Variants in IMMP2L observed in about 807,000 individuals in gnomAD.
IMMP2L encodes inner mitochondrial membrane peptidase subunit 2.
Under a neutral mutation model 19.3 loss-of-function variants are expected in IMMP2L, and 18 were observed. The ratio of observed to expected loss-of-function variants is 0.93; its 90% CI spans 0.64 to 1.38. The LOEUF is 1.38. Among genes scored for constraint, IMMP2L ranks in the 40% most tolerant of loss-of-function variants. The pLI is 0.00. For missense variants in IMMP2L, 233 were observed against 218.2 expected (o/e 1.07, Z -0.43); for synonymous variants, 76 against 73.0 (o/e 1.04, Z -0.21).
chr7:111,361,860 T>C (rs1228911140), intron 3 of IMMP2L, among the ~76,000 whole-genome samples: 2 of 152,144 alleles, frequency 1.3e-5, no homozygotes, highest in South Asian at 2.1e-4. Flanking sequence ...TTTTACAAAA[T>C]GGTTTGTTGA....
rs1275382607 is a variant in IMMP2L, at chr7:111,099,433, T to A, written c.240-135868A>T. On this transcript the variant is annotated intron_variant, in intron 3 of 5. Coordinates refer to ENST00000405709, the MANE Select transcript of IMMP2L (RefSeq NM_032549.4). Reference sequence around the variant, plus strand: ...CCCTGCAAAGTTAATTGATGAAAGCTGTAATTTGCTTTTCAAACTGAGGAT... The same window carrying A: ...CCCTGCAAAGTTAATTGATGAAAGCAGTAATTTGCTTTTCAAACTGAGGAT... 2.6e-5 allele frequency among the ~76,000 whole-genome samples: 4 copies of A among 151,758 alleles called. No homozygotes were observed. The Admixed American group carries it at 2.6e-4, about 10-fold the overall frequency.
In IMMP2L at chr7:110,763,901, A is replaced by G. The variant is rs1004962566; in HGVS notation, c.409-100180T>C. 2.0e-5 allele frequency among the ~76,000 whole-genome samples: 3 copies of G among 152,122 alleles called. No homozygotes were observed. In the East Asian group the frequency reaches 5.8e-4, roughly 29 times the overall value. Reference sequence around the variant, plus strand: ...AATTTGTTCTTCCAATCTTGCTTGCACTATTAATTTGGTTAATGGGTTAGT... The same window carrying G: ...AATTTGTTCTTCCAATCTTGCTTGCGCTATTAATTTGGTTAATGGGTTAGT... On this transcript the variant is annotated intron_variant, in intron 5 of 5. Transcript: ENST00000405709.
At chr7:111,141,647 T>C (rs982209870) in intron 3 of IMMP2L, among the ~76,000 whole-genome samples, 7 of 152,164 alleles carry the variant, frequency 4.6e-5, no homozygotes, top group African/African-American at 9.7e-5. Context: ...TTATTCCTCA[T>C]TGGCATTTTA....
At chr7:110,806,364 A>C (rs954711384) in intron 5 of IMMP2L, among the ~76,000 whole-genome samples, 25 of 152,020 alleles carry the variant, frequency 1.6e-4, no homozygotes, top group African/African-American at 5.3e-4. Context: ...TGGAAACATT[A>C]ATAGATTAAC....
rs1015284082 is a variant in IMMP2L at position 111,048,256 on chromosome 7, A to G, written c.240-84691T>C. On this transcript the variant is annotated intron_variant, in intron 3 of 5. Coordinates refer to ENST00000405709, the MANE Select transcript of IMMP2L (RefSeq NM_032549.4). The stretch of plus-strand genomic sequence containing the variant: ...TCTGTCTCAAAAAAAAAAAAAAAAA[A>G]AAAAAAAAAGAAAAAAAGAAAAAAG... 3.5e-3 allele frequency among the ~76,000 whole-genome samples: 322 copies of G among 91,904 alleles called. 1 individual carries two copies. Among genetic ancestry groups the G allele is most frequent in the African/African-American group, 6.0e-3 (202 of 33,448 alleles). 60.3% of individuals were successfully genotyped at this position (91,904 alleles called of 152,430 possible). A position where few individuals can be genotyped will look rare whatever the true frequency, so the allele number is the denominator to read the frequency against.
chr7:111,443,209 T>C (rs539520187), intron 3 of IMMP2L, among the ~76,000 whole-genome samples: 17 of 151,906 alleles, frequency 1.1e-4, no homozygotes, highest in Non-Finnish European at 2.5e-4. Flanking sequence ...AAAAAGGTAA[T>C]TCACACATGG....
chr7:111,164,746 A>G (rs1366772818), intron 3 of IMMP2L, among the ~76,000 whole-genome samples: 1 of 152,084 alleles, frequency 6.6e-6, no homozygotes, highest in Non-Finnish European at 1.5e-5. Flanking sequence ...GCATCTGTCA[A>G]GTTTTGAAGT....
intron 1 of IMMP2L, among the ~76,000 whole-genome samples, chr7:111,541,697 G>C (rs1171184374): frequency 2.0e-5 from 3 of 152,036 alleles, no homozygotes; most frequent in Admixed American, 2.0e-4. Context: ...ATTTTGATAG[G>C]TTTTAAGGAA....
chr7:111,424,999 T>A (rs1282157760), intron 3 of IMMP2L, among the ~76,000 whole-genome samples: 1 of 151,812 alleles, frequency 6.6e-6, no homozygotes, highest in Non-Finnish European at 1.5e-5. Context: ...TCCAGGTCAT[T>A]AGTCATTACA....
At chr7:110,956,439 T>C (rs1436992653) in intron 4 of IMMP2L, among the ~76,000 whole-genome samples, 1 of 152,040 alleles carries the variant, frequency 6.6e-6, no homozygotes, top group Non-Finnish European at 1.5e-5. Context: ...TTTCTCTGAA[T>C]ACTTCTTGGA....
intron 3 of IMMP2L, among the ~76,000 whole-genome samples, chr7:111,307,634 C>G (rs867105274): frequency 6.6e-6 from 1 of 151,098 alleles, no homozygotes; most frequent in Non-Finnish European, 1.5e-5. Context: ...TTTATTAAAT[C>G]GAGAAAATAT....
At chr7:111,193,252 G>C (rs1454032511) in intron 3 of IMMP2L, among the ~76,000 whole-genome samples, 1 of 152,170 alleles carries the variant, frequency 6.6e-6, no homozygotes, top group African/African-American at 2.4e-5. Context: ...GTCTGTGCAA[G>C]CTCTTGCAGG....
intron 3 of IMMP2L, among the ~76,000 whole-genome samples, chr7:111,453,679 G>T (rs1839425340): frequency 6.6e-6 from 1 of 152,092 alleles, no homozygotes; most frequent in Admixed American, 6.6e-5. Flanking sequence ...AAGACTGAAG[G>T]ATGATTTTGG....
chr7:111,519,438 C>G (rs1382968165), intron 2 of IMMP2L, among the ~76,000 whole-genome samples: 1 of 152,146 alleles, frequency 6.6e-6, no homozygotes, highest in Non-Finnish European at 1.5e-5. Flanking sequence ...CAAATTCTAA[C>G]ATAATACATT....
At chr7:111,371,774 T>C (rs544491038) in intron 3 of IMMP2L, among the ~76,000 whole-genome samples, 6 of 152,026 alleles carry the variant, frequency 3.9e-5, no homozygotes, top group Admixed American at 1.3e-4. Context: ...GAGGTGGGTG[T>C]AGTCATATGT....
At chr7:111,340,845 A>G (rs922823667) in intron 3 of IMMP2L, among the ~76,000 whole-genome samples, 2 of 152,124 alleles carry the variant, frequency 1.3e-5, no homozygotes, top group Non-Finnish European at 1.5e-5. Context: ...AGTACTTACT[A>G]TAAGTACGCT....
chr7:111,376,003 C>G (rs975369125), intron 3 of IMMP2L, among the ~76,000 whole-genome samples: 1 of 152,022 alleles, frequency 6.6e-6, no homozygotes, highest in Non-Finnish European at 1.5e-5. Context: ...AGAACTCAGG[C>G]TCTGGATTTA....
chr7:111,365,041 A>G (rs1392495982), intron 3 of IMMP2L, among the ~76,000 whole-genome samples: 1 of 152,086 alleles, frequency 6.6e-6, no homozygotes, highest in Non-Finnish European at 1.5e-5. Context: ...ATCATCCATT[A>G]TAACAAAAAG....
intron 3 of IMMP2L, among the ~76,000 whole-genome samples, chr7:111,431,089 A>C (rs1836581411): frequency 6.6e-6 from 1 of 151,894 alleles, no homozygotes; most frequent in African/African-American, 2.4e-5. Context: ...CCTAGGCAAA[A>C]GAGTGAGACT....
Sources: allele counts gnomAD v4.1 joint callset (sites outside exome capture counted in the v4.1 genomes callset), GRCh38; gene constraint gnomAD v4.1.1; transcripts MANE v1.5; gene names NCBI Gene and HGNC (gene_info 2026-07-23, HGNC 2026-07-21).